Variants in MED23 observed in about 807,000 individuals in gnomAD.
MED23 encodes the protein mediator of RNA polymerase II transcription subunit 23.
MED23 carries 105 observed loss-of-function variants against 163.9 expected under a neutral mutation model. The observed-to-expected ratio is 0.64, with a 90% CI of 0.55 to 0.75. MED23 has a LOEUF of 0.75. MED23 is among the 30% of genes least tolerant of loss of function. The pLI, the probability that MED23 is intolerant of heterozygous loss-of-function variation, is 0.00. For synonymous variants in MED23, 561 were observed against 565.6 expected (o/e 0.99, Z 0.12); for missense variants, 1,054 against 1,649.0 (o/e 0.64, Z 6.25).
In MED23 at chr6:131,618,416, T is replaced by C. The variant is rs1027748836; in HGVS notation, c.771A>G (p.Pro257=). Residue 257 remains proline, a synonymous_variant, in exon 9 of 29, where the codon CCA becomes CCG. Coordinates refer to ENST00000368068, the MANE Select transcript of MED23 (RefSeq NM_004830.4). ...ATATTTAGCAACATACCTTATCATA[T>C]GGCAAAAGGCCTTTCAAAGGAAAAC... ...TLRFPLKGLL[P]YDKDLFEPQT... 6.2e-7 allele frequency: 1 copy of C among 1,611,610 alleles called. No individual in the cohort carries two copies.
intron 9 of MED23, among the ~76,000 whole-genome samples, chr6:131,617,656 A>G (rs1239553275): frequency 6.6e-6 from 1 of 152,194 alleles, no homozygotes; most frequent in Non-Finnish European, 1.5e-5. Context: ...ATTTAAAAAC[A>G]GAATAACCAA....
intron 30 of MED23, chr6:131,579,368 T>C (rs909720227): frequency 1.5e-5 from 23 of 1,498,522 alleles, no homozygotes; most frequent in Admixed American, 1.9e-5. Context: ...TTTAGAAATA[T>C]AGACAGAAAA....
chr6:131,625,013 A>C lies in MED23; in HGVS notation c.160-24T>G. On this transcript the variant is annotated intron_variant, in intron 3 of 28. Coordinates refer to ENST00000368068, the MANE Select transcript of MED23 (RefSeq NM_004830.4). ...TCCTGGAAAATGAGAGAATGATTTT[A>C]CTTGGGGTCTAAAGTTACATTTTTA... The C allele has an allele frequency of 6.2e-7, 1 of 1,612,140 alleles. No homozygotes were observed. Among genetic ancestry groups the C allele is most frequent in the South Asian group, 1.1e-5 (1 of 91,054 alleles).
intron 22 of MED23, among the ~76,000 whole-genome samples, chr6:131,594,579 CT>C (rs939879168): frequency 2.6e-5 from 4 of 152,082 alleles, no homozygotes; most frequent in African/African-American, 4.8e-5. Context: ...AATTCCATTT[CT>C]GAAAATTTAT....
chr6:131,576,617 G>A lies in MED23; in HGVS notation c.4096-2322C>T, dbSNP rs748979820. 3 of 1,544,294 alleles carry A rather than the reference G, an allele frequency of 1.9e-6. No individual in the cohort carries two copies. In the South Asian group the frequency reaches 3.3e-5, roughly 17 times the overall value. ...AAAAGGGTTCCTGCTGTGAGCATCT[G>A]ATGGTCATGATAATGTCTGAAGTAC... On this transcript the variant is annotated intron_variant, in intron 30 of 30. Coordinates refer to the MED23 transcript ENST00000354577.
chr6:131,615,667 T>C (rs1351240798), intron 10 of MED23: 2 of 605,948 alleles, frequency 3.3e-6, no homozygotes, highest in Non-Finnish European at 5.8e-6. Context: ...AAACTGGCCT[T>C]ATAGAAAAAA....
In MED23 at chr6:131,598,898, C is replaced by A. The variant is rs1274240062; in HGVS notation, c.2221-137G>T. The A allele has an allele frequency of 2.7e-6, 2 of 737,078 alleles. No individual in the cohort carries two copies. The highest frequency in any genetic ancestry group is 2.3e-5 in the Admixed American group (1 of 43,568). The allele number at this position is 737,078 out of a possible 1,614,324, so 45.7% of individuals were successfully genotyped here. A position where few individuals can be genotyped will look rare whatever the true frequency, so the allele number is the denominator to read the frequency against. The stretch of plus-strand genomic sequence containing the variant: ...CCTTGAGCAACTCAGCAATTAAGGC[C>A]TGAATTTCTGTGTCTGGAAAATACA... On this transcript the variant is annotated intron_variant, in intron 18 of 28. Transcript: ENST00000368068. This position sits in a 1 kb window ranked among gnomAD's most constrained non-coding sequence, Gnocchi z 4.7.
intron 3 of MED23, among the ~76,000 whole-genome samples, chr6:131,626,122 CA>C (rs138561737): frequency 0.038 from 2,250 of 59,630 alleles, 48 homozygotes; most frequent in African/African-American, 0.1. Context: ...ACTCTGTCTC[CA>C]AAAAAAAAAA....
chr6:131,583,003 G>A (rs1277573531), downstream of MED23: 1 of 1,235,734 alleles, frequency 8.1e-7, no homozygotes, highest in East Asian at 2.5e-5. Flanking sequence ...CTTAAAAGGA[G>A]ACAGGCGGGC....
At chr6:131,625,802 T>C (rs1350118099) in intron 3 of MED23, among the ~76,000 whole-genome samples, 1 of 152,094 alleles carries the variant, frequency 6.6e-6, no homozygotes, top group African/African-American at 2.4e-5. Flanking sequence ...TCAAAAAGCT[T>C]AACACTCTAT....
chr6:131,584,816 T>TACACACACACACACACACACACACAC (rs59196638), downstream of MED23, among the ~76,000 whole-genome samples: 39 of 134,044 alleles, frequency 2.9e-4, no homozygotes, highest in African/African-American at 1.0e-3. Flanking sequence ...CTACAAAAAA[T>TACACACACACACACACACACACACAC]ACACACACAC....
rs765704690 is a variant in MED23 at position 131,605,365 on chromosome 6, T to C, written c.1488A>G (p.Val496=). The C allele has an allele frequency of 1.2e-6, 2 of 1,613,564 alleles. No homozygotes were observed. Among genetic ancestry groups the C allele is most frequent in the South Asian group, 1.1e-5 (1 of 91,068 alleles). The part of the protein sequence containing the change: ...ECFTLPMGAL[V]ETIYGNGIMR... ...TAATTCCATTTCCATAAATAGTTTC[T>C]ACCAGAGCTCCCATGGGTAATGTAA... The change falls in exon 14 of 29, where the codon GTA becomes GTG. Residue 496 remains valine, a synonymous_variant. Coordinates refer to ENST00000368068, the MANE Select transcript of MED23 (RefSeq NM_004830.4).
At chr6:131,621,644 T>A (rs1480371009) in intron 6 of MED23, among the ~76,000 whole-genome samples, 1 of 152,212 alleles carries the variant, frequency 6.6e-6, no homozygotes, top group Non-Finnish European at 1.5e-5. Context: ...GGTCTTGTAA[T>A]GTTTAAGCTA....
In MED23 at chr6:131,606,516, G is replaced by A; in HGVS notation, c.1330C>T (p.Gln444Ter). ...CTTAGGGAATGAGGTATTGGAATCT[G>A]TAGCTTGGAGTTGTCATTTTGAGCT... ...RKAQNDNSKLQIPIPHSLRLH... is the reference protein window; with the variant it reads ...RKAQNDNSKL Residue 444 changes from glutamine to a stop codon, truncating the protein, a stop_gained, in exon 13 of 29, where the codon CAG (glutamine) becomes TAG (stop). Transcript: ENST00000368068. LOFTEE classifies it high-confidence loss of function. The A allele has an allele frequency of 6.2e-7, 1 of 1,613,608 alleles. No individual in the cohort carries two copies. Among genetic ancestry groups the A allele is most frequent in the Non-Finnish European group, 8.5e-7 (1 of 1,179,692 alleles).
chr6:131,594,197 C>T lies in MED23; in HGVS notation c.3134G>A (p.Ser1045Asn). The part of the protein sequence containing the change: ...KDNRPQGWCL[S>N]DTYLKCAMNA... ...CATAGCGCATTTCAGGTAAGTGTCA[C>T]TTAGACACCAGCCCTGCGGTCGATT... The change falls in exon 23 of 29, where the codon AGT becomes AAT. Residue 1045 changes from serine to asparagine, a missense_variant. Coordinates refer to ENST00000368068, the MANE Select transcript of MED23 (RefSeq NM_004830.4). 1 of 1,614,172 alleles carries T rather than the reference C, an allele frequency of 6.2e-7. No homozygotes were observed. The highest frequency in any genetic ancestry group is 8.5e-7 in the Non-Finnish European group (1 of 1,180,022).
chr6:131,626,023 G>GAGGC (rs1777466976), intron 3 of MED23, among the ~76,000 whole-genome samples: 1 of 150,728 alleles, frequency 6.6e-6, no homozygotes, highest in African/African-American at 2.4e-5. Flanking sequence ...TCGGGAGGCT[G>GAGGC]AGGCAGGAGA....
chr6:131,608,102 C>A (rs1033663135), intron 11 of MED23, 31 bp from the exon 12 acceptor site: 4 of 1,611,396 alleles, frequency 2.5e-6, no homozygotes, highest in African/African-American at 1.3e-5. Context: ...CACATGTATA[C>A]ACTGCTACTT....
At chr6:131,595,061 T>A (rs1433505535) in intron 22 of MED23, among the ~76,000 whole-genome samples, 1 of 152,218 alleles carries the variant, frequency 6.6e-6, no homozygotes, top group Non-Finnish European at 1.5e-5. Flanking sequence ...CAATTCATAC[T>A]TCTGCTCTGA....
chr6:131,606,482 T>C lies in MED23; in HGVS notation c.1364A>G (p.His455Arg), dbSNP rs1488340019. The change falls in exon 13 of 29, where the codon CAT becomes CGT. Residue 455 changes from histidine to arginine, a missense_variant. This residue lies in a region of MED23 where 39 missense variants were observed against 50.5 expected (regional missense o/e 0.77). Transcript: ENST00000368068. ...IPIPHSLRLH[H>R]EFLQQSLRNK... ...TATCAAGCAACAAATAACTTACTCA[T>C]GGTGAAGTCTTAGGGAATGAGGTAT... 3 of 1,613,124 alleles carry C rather than the reference T, an allele frequency of 1.9e-6. No homozygotes were observed. Among genetic ancestry groups the C allele is most frequent in the East Asian group, 2.2e-5 (1 of 44,764 alleles).
Sources: gnomAD v4.1 joint callset for allele counts (sites outside exome capture counted in the v4.1 genomes callset) on GRCh38, gnomAD v4.1.1 for gene constraint, gnomAD v4.1.1 regional missense constraint, Gnocchi (gnomAD v3.1) non-coding constraint, MANE v1.5 for transcripts, NCBI Gene and HGNC (gene_info 2026-07-23, HGNC 2026-07-21) for gene names.